The following ZNF475 variants were observed in gnomAD, a reference collection of about 807,000 sequenced individuals.
ZNF475 encodes zinc finger protein 475.
chr5:122,177,234 T>C, the ZNF475 span, among the ~76,000 whole-genome samples: 5 of 152,200 alleles, frequency 3.3e-5, no homozygotes, highest in African/African-American at 7.2e-5. Context: ...GGGCAGAGCC[T>C]ACTCCAGATC....
chr5:122,178,727 C>T, the ZNF475 span, among the ~76,000 whole-genome samples: 1 of 152,124 alleles, frequency 6.6e-6, no homozygotes, highest in Non-Finnish European at 1.5e-5. Context: ...TGTGCAGAAG[C>T]TCTTTAGTTT....
At chr5:122,165,509 A>C in the ZNF475 span, among the ~76,000 whole-genome samples, 1 of 152,122 alleles carries the variant, frequency 6.6e-6, no homozygotes, top group Non-Finnish European at 1.5e-5. Context: ...ATTACAGATT[A>C]ATGATTACAA....
the ZNF475 span, among the ~76,000 whole-genome samples, chr5:122,173,024 C>T: frequency 6.6e-6 from 1 of 151,574 alleles, no homozygotes; most frequent in Non-Finnish European, 1.5e-5. Context: ...CAGAGCGAGA[C>T]TCCGTCTCAG....
chr5:122,174,708 A>T, the ZNF475 span, among the ~76,000 whole-genome samples: 1 of 152,182 alleles, frequency 6.6e-6, no homozygotes, highest in South Asian at 2.1e-4. Context: ...CGGTGACACG[A>T]ATGTCTTCAT....
chr5:122,179,627 T>G, the ZNF475 span: 14 of 1,534,430 alleles, frequency 9.1e-6, no homozygotes, highest in Non-Finnish European at 1.2e-5. Context: ...CTATTAGCAT[T>G]CATGAGCCAC....
the ZNF475 span, among the ~76,000 whole-genome samples, chr5:122,169,458 T>C: frequency 6.6e-6 from 1 of 152,140 alleles, no homozygotes; most frequent in Non-Finnish European, 1.5e-5. Flanking sequence ...AGTAGATGAA[T>C]GAAGGCATGG....
At chr5:122,168,911 T>C in the ZNF475 span, among the ~76,000 whole-genome samples, 1 of 152,130 alleles carries the variant, frequency 6.6e-6, no homozygotes, top group Non-Finnish European at 1.5e-5. Flanking sequence ...GTATTATTTG[T>C]CAAATCTCCA....
the ZNF475 span, among the ~76,000 whole-genome samples, chr5:122,178,252 A>AT: frequency 1.3e-5 from 2 of 152,228 alleles, no homozygotes; most frequent in Admixed American, 6.5e-5. Flanking sequence ...TCCTTTGGGT[A>AT]TATACCCAGT....
the ZNF475 span, among the ~76,000 whole-genome samples, chr5:122,165,085 G>A: frequency 1.5e-3 from 226 of 152,324 alleles, 1 homozygote; most frequent in African/African-American, 5.2e-3. Context: ...CACATTGTCA[G>A]TAATCAGAAA....
the ZNF475 span, among the ~76,000 whole-genome samples, chr5:122,173,360 T>C: frequency 1.3e-5 from 2 of 152,194 alleles, no homozygotes; most frequent in Non-Finnish European, 2.9e-5. Flanking sequence ...TCCTCTTTTA[T>C]CCAAACCTCT....
At chr5:122,173,756 C>A in the ZNF475 span, among the ~76,000 whole-genome samples, 1 of 152,164 alleles carries the variant, frequency 6.6e-6, no homozygotes, top group Non-Finnish European at 1.5e-5. Flanking sequence ...ATCAACTTTC[C>A]CAGGAAACTG....
At chr5:122,182,506 AT>A in the ZNF475 span, 1 of 1,501,264 alleles carries the variant, frequency 6.7e-7, no homozygotes, top group East Asian at 2.5e-5. Context: ...GGCTTCTATG[AT>A]CTTGATGCTT....
chr5:122,179,348 C>T, the ZNF475 span, among the ~76,000 whole-genome samples: 54 of 152,190 alleles, frequency 3.5e-4, no homozygotes, highest in Middle Eastern at 3.4e-3. Context: ...GCCGTTTTCA[C>T]GATATTGATT....
At chr5:122,164,961 G>A in the ZNF475 span, among the ~76,000 whole-genome samples, 4 of 152,108 alleles carry the variant, frequency 2.6e-5, no homozygotes, top group Non-Finnish European at 5.9e-5. Context: ...TAAATAAAGG[G>A]GTTGGACTGA....
chr5:122,168,447 A>C, the ZNF475 span, among the ~76,000 whole-genome samples: 1 of 152,224 alleles, frequency 6.6e-6, no homozygotes, highest in Non-Finnish European at 1.5e-5. Context: ...AAATTGTATC[A>C]AGCCTGTAAT....
the ZNF475 span, among the ~76,000 whole-genome samples, chr5:122,180,521 AGTTAAGAAAATAT>A: frequency 6.6e-6 from 1 of 152,244 alleles, no homozygotes; most frequent in African/African-American, 2.4e-5. Context: ...GTATGAGAAT[AGTTAAGAAAATAT>A]TTTTGCCATG....
the ZNF475 span, among the ~76,000 whole-genome samples, chr5:122,174,337 T>C: frequency 6.6e-6 from 1 of 152,210 alleles, no homozygotes; most frequent in East Asian, 1.9e-4. Flanking sequence ...CAGCTTTCCC[T>C]GGAAGTTTCA....
At chr5:122,170,112 C>T in the ZNF475 span, among the ~76,000 whole-genome samples, 11 of 152,270 alleles carry the variant, frequency 7.2e-5, no homozygotes, top group Non-Finnish European at 1.2e-4. Context: ...ATTGGAATAA[C>T]GTAACTTAAA....
chr5:122,182,376 A>G, the ZNF475 span: 4 of 711,854 alleles, frequency 5.6e-6, no homozygotes, highest in Non-Finnish European at 8.4e-6. Flanking sequence ...TTCCATAGAA[A>G]GTAGAATATG....
Sources: gnomAD v4.1 joint callset for allele counts (sites outside exome capture counted in the v4.1 genomes callset) on GRCh38, gnomAD v4.1.1 for gene constraint, MANE v1.5 for transcripts, NCBI Gene and HGNC (gene_info 2026-07-23, HGNC 2026-07-21) for gene names.